The following MYO5B variants were observed in gnomAD, a reference collection of about 807,000 sequenced individuals.
MYO5B encodes unconventional myosin-Vb.
MYO5B carries 143 observed loss-of-function variants against 229.3 expected under a neutral mutation model. The observed-to-expected ratio is 0.62, with a 90% CI of 0.54 to 0.72. MYO5B has a LOEUF of 0.72. Among genes scored for constraint, MYO5B ranks in the 30% least tolerant of loss-of-function variants. MYO5B has a pLI of 0.00. For missense variants in MYO5B, 2,321 were observed against 2,331.0 expected, an observed-to-expected ratio of 1.00 and a Z score of 0.09; for synonymous variants, 918 against 885.2, an observed-to-expected ratio of 1.04 and a Z score of -0.66.
intron 22 of MYO5B, among the ~76,000 whole-genome samples, chr18:49,887,519 T>A (rs2024657573): frequency 6.6e-6 from 1 of 152,102 alleles, no homozygotes; most frequent in South Asian, 2.1e-4. Flanking sequence ...TCTCTCTTGC[T>A]CCCACTATCG....
intron 29 of MYO5B, among the ~76,000 whole-genome samples, chr18:49,858,284 G>A (rs1034290939): frequency 5.3e-5 from 8 of 152,170 alleles, no homozygotes; most frequent in African/African-American, 1.4e-4. Flanking sequence ...ATTTTACTAC[G>A]GCCTTTCATG....
chr18:49,916,126 T>A (rs2025011557), intron 17 of MYO5B, among the ~76,000 whole-genome samples: 2 of 152,254 alleles, frequency 1.3e-5, no homozygotes, highest in African/African-American at 4.8e-5. Context: ...GTTATTTGCA[T>A]ACACACTTGC....
chr18:50,051,555 G>A (rs969090040), intron 2 of MYO5B, among the ~76,000 whole-genome samples: 1 of 152,236 alleles, frequency 6.6e-6, no homozygotes. Context: ...TCCAGGCAGA[G>A]CATGCAGAAG....
chr18:50,161,052 C>T (rs1440239669), intron 1 of MYO5B, among the ~76,000 whole-genome samples: 1 of 152,180 alleles, frequency 6.6e-6, no homozygotes, highest in African/African-American at 2.4e-5. Context: ...GGGCTGGACA[C>T]AAAGCTCAAA....
At position 49,864,316 on chromosome 18, in the gene MYO5B, A is replaced by C. The variant is rs1396668009; in HGVS notation, c.3668T>G (p.Val1223Gly). Residue 1223 changes from valine to glycine, a missense_variant, in exon 28 of 40, where the codon GTG becomes GGG. Around this residue, in one of 2 missense-constraint regions of MYO5B, gnomAD observed 2,113 missense variants for 2,044.7 expected, o/e 1.03. Transcript: ENST00000285039. ...GTTATTCTGCGTGGCTTGGTCGGCC[A>C]CGGCTTTCCTCAGCTCATTCAGGTC... ...KNDLNELRKAVADQATQNNSS... is the reference protein window; with the variant it reads ...KNDLNELRKAGADQATQNNSS... 1 of 1,614,140 alleles carries C rather than the reference A, an allele frequency of 6.2e-7. No homozygotes were observed. Among genetic ancestry groups the C allele is most frequent in the Admixed American group, 1.7e-5 (1 of 60,036 alleles).
chr18:49,854,236 G>A lies in MYO5B; in HGVS notation c.4023-589C>T, dbSNP rs142641988. Among the ~76,000 whole-genome samples, 1,413 of 152,204 alleles carry A rather than the reference G, an allele frequency of 9.3e-3. 38 individuals carry two copies. The South Asian group carries it at 0.12, about 13-fold the overall frequency. On this transcript the variant is annotated intron_variant, in intron 30 of 39. Coordinates refer to ENST00000285039, the MANE Select transcript of MYO5B (RefSeq NM_001080467.3). ...AATTTTTACATACAAGTTTCCTCCA[G>A]CCAAAAATGAAAACTAAGACTATTT...
chr18:50,064,486 A>G (rs2030770475), intron 1 of MYO5B: 1 of 152,256 alleles, frequency 6.6e-6, no homozygotes, highest in Non-Finnish European at 1.5e-5. Context: ...AAACAGAGCA[A>G]TCAAGTATAT....
chr18:49,865,470 T>A (rs1218104181), intron 27 of MYO5B, among the ~76,000 whole-genome samples: 1 of 152,182 alleles, frequency 6.6e-6, no homozygotes, highest in Non-Finnish European at 1.5e-5. Context: ...GTCTATTTAC[T>A]AAGTTCAGGA....
rs2033278438 is a variant in MYO5B at position 50,194,760 on chromosome 18, C to T, written c.27+7G>A. On this transcript the variant is annotated splice_region_variant and intron_variant, in intron 1 of 39. Coordinates refer to ENST00000285039, the MANE Select transcript of MYO5B (RefSeq NM_001080467.3). ...CCCCGGGGCGCCTCCCTCGCGGCCGCGCTCACCTGGCTGTAGAGCTCGCCC... is the reference window on the plus strand; with the variant it reads ...CCCCGGGGCGCCTCCCTCGCGGCCGTGCTCACCTGGCTGTAGAGCTCGCCC... The T allele has an allele frequency of 6.7e-7, 1 of 1,481,610 alleles. No homozygotes were observed. The highest frequency in any genetic ancestry group is 2.9e-5 in the East Asian group (1 of 34,522). The allele number at this position is 1,481,610 out of a possible 1,614,324, so 91.8% of individuals were successfully genotyped here.
chr18:49,843,431 A>C (rs753455454), intron 33 of MYO5B, 39 bp from the exon 34 acceptor site: 65 of 1,609,018 alleles, frequency 4.0e-5, no homozygotes, highest in Admixed American at 5.0e-5. Context: ...AGTTAGATCT[A>C]TGGGGGACAA....
chr18:49,960,652 A>G (rs1050357090), intron 12 of MYO5B, among the ~76,000 whole-genome samples: 1 of 152,230 alleles, frequency 6.6e-6, no homozygotes, highest in African/African-American at 2.4e-5. Context: ...TGTTACAAAA[A>G]GTCTCCACAT....
chr18:50,076,950 TATAAA>T (rs764275545), intron 1 of MYO5B, among the ~76,000 whole-genome samples: 16 of 150,994 alleles, frequency 1.1e-4, no homozygotes, highest in Non-Finnish European at 2.4e-4. Context: ...AATCCAATAG[TATAAA>T]ATAAAATTTT....
At chr18:49,934,257 A>C (rs2025225736) in intron 16 of MYO5B, among the ~76,000 whole-genome samples, 1 of 152,108 alleles carries the variant, frequency 6.6e-6, no homozygotes, top group Non-Finnish European at 1.5e-5. Flanking sequence ...CAGTGAGCTC[A>C]AACTAGACAC....
At chr18:50,044,121 T>C (rs2030152474) in intron 2 of MYO5B, among the ~76,000 whole-genome samples, 1 of 152,118 alleles carries the variant, frequency 6.6e-6, no homozygotes, top group South Asian at 2.1e-4. Flanking sequence ...CAAGTGGTAT[T>C]GGTTTCAGTA....
At chr18:49,904,415 G>A (rs150525785) in intron 20 of MYO5B, among the ~76,000 whole-genome samples, 2 of 152,294 alleles carry the variant, frequency 1.3e-5, no homozygotes, top group Non-Finnish European at 2.9e-5. Context: ...CCAGAATTGT[G>A]AGCCAAATAA....
At chr18:50,118,731 T>G (rs1428670250) in intron 1 of MYO5B, among the ~76,000 whole-genome samples, 1 of 151,892 alleles carries the variant, frequency 6.6e-6, no homozygotes, top group Non-Finnish European at 1.5e-5. Flanking sequence ...TTCACGCCAT[T>G]CTCCTGCCTC....
At chr18:49,829,734 A>C (rs2023891099) in intron 39 of MYO5B, among the ~76,000 whole-genome samples, 1 of 152,222 alleles carries the variant, frequency 6.6e-6, no homozygotes. Context: ...AAAGGTTAAA[A>C]GGATTATACA....
chr18:49,867,039 C>G (rs498209), intron 27 of MYO5B, among the ~76,000 whole-genome samples: 112,275 of 151,046 alleles, frequency 0.74, 41,759 homozygotes, highest in Admixed American at 0.84. Context: ...CAGAGCAGAG[C>G]TGGTGGGGGT....
intron 1 of MYO5B, among the ~76,000 whole-genome samples, chr18:50,175,018 G>A (rs1238617002): frequency 2.6e-5 from 4 of 152,196 alleles, no homozygotes; most frequent in Non-Finnish European, 2.9e-5. Context: ...TGAGATGCTT[G>A]ATCTAAAGCT....
Sources: allele counts gnomAD v4.1 joint callset (sites outside exome capture counted in the v4.1 genomes callset), GRCh38; gene constraint gnomAD v4.1.1; regional missense constraint gnomAD v4.1.1; transcripts MANE v1.5; gene names NCBI Gene and HGNC (gene_info 2026-07-23, HGNC 2026-07-21).